LIPI: variants seen among roughly 807,000 people sequenced by gnomAD.
LIPI encodes lipase member I.
LIPI carries 59 observed loss-of-function variants against 50.6 expected under a neutral mutation model. The ratio of observed to expected loss-of-function variants is 1.16; its 90% CI spans 0.94 to 1.45. The LOEUF is 1.45. Among genes scored for constraint, LIPI ranks in the 40% most tolerant of loss-of-function variants. LIPI has a pLI of 0.00. For missense variants in LIPI, 586 were observed against 536.3 expected, an observed-to-expected ratio of 1.09 and a Z score of -0.92; for synonymous variants, 203 against 178.2, an observed-to-expected ratio of 1.14 and a Z score of -1.11.
chr21:14,119,059 C>T (rs1442668326), intron 9 of LIPI, among the ~76,000 whole-genome samples: 1 of 152,190 alleles, frequency 6.6e-6, no homozygotes, highest in Non-Finnish European at 1.5e-5. Context: ...GGTTCACATG[C>T]TTACACATAA....
intron 7 of LIPI, among the ~76,000 whole-genome samples, chr21:14,158,638 T>G (rs13046576): frequency 0.27 from 39,712 of 147,946 alleles, 5,512 homozygotes; most frequent in Middle Eastern, 0.33. Context: ...AATATATATA[T>G]AGAGAGAGAA....
At chr21:14,146,831 T>C (rs1264105916) in intron 8 of LIPI, among the ~76,000 whole-genome samples, 1 of 135,616 alleles carries the variant, frequency 7.4e-6, no homozygotes, top group Admixed American at 8.8e-5. Flanking sequence ...CAGGCTGGAG[T>C]GCAGTGGTGC....
intron 8 of LIPI, among the ~76,000 whole-genome samples, chr21:14,150,346 T>G (rs2018046646): frequency 6.6e-6 from 1 of 152,218 alleles, no homozygotes; most frequent in Admixed American, 6.5e-5. Flanking sequence ...TTTTGATACA[T>G]GCTTTCTGTT....
intron 8 of LIPI, among the ~76,000 whole-genome samples, chr21:14,150,397 C>T (rs1304597384): frequency 2.6e-5 from 4 of 152,130 alleles, no homozygotes; most frequent in Non-Finnish European, 5.9e-5. Context: ...TTCCTTGATT[C>T]TTCTCTGGGC....
chr21:14,169,610 A>G (rs139289869), intron 4 of LIPI, among the ~76,000 whole-genome samples: 2,612 of 152,344 alleles, frequency 0.017, 62 homozygotes, highest in African/African-American at 0.051. Context: ...CTCCTGAATG[A>G]CTACTGGGTA....
Position 14,193,587 on chromosome 21 carries a change from G to T in LIPI, c.47-4168C>A, listed in dbSNP as rs545994407. 3.9e-4 allele frequency among the ~76,000 whole-genome samples: 60 copies of T among 152,182 alleles called. 1 individual carries two copies. In the East Asian group the frequency reaches 0.011, roughly 27 times the overall value. ...TGCAAAATGTAACTAAAAGTGAGCAGAAATGCTGCACTAACATCAAGCAAA... is the reference window on the plus strand; with the variant it reads ...TGCAAAATGTAACTAAAAGTGAGCATAAATGCTGCACTAACATCAAGCAAA... On this transcript the variant is annotated intron_variant, in intron 1 of 9. Coordinates refer to ENST00000681601, the MANE Select transcript of LIPI (RefSeq NM_001302998.2).
chr21:14,116,694 G>C (rs1177824617), intron 9 of LIPI, among the ~76,000 whole-genome samples: 3 of 152,098 alleles, frequency 2.0e-5, no homozygotes, highest in Non-Finnish European at 4.4e-5. Context: ...ACAACAGCCT[G>C]GGTACCCTGA....
intron 4 of LIPI, among the ~76,000 whole-genome samples, chr21:14,175,900 C>T (rs1035675693): frequency 3.3e-5 from 5 of 151,992 alleles, no homozygotes; most frequent in Admixed American, 6.6e-5. Context: ...ACAAGTGGGC[C>T]GGGCGCGGTG....
chr21:14,166,487 T>C (rs2018690368), intron 4 of LIPI, 36 bp from the exon 5 acceptor site: 1 of 1,049,926 alleles, frequency 9.5e-7, no homozygotes, highest in East Asian at 2.4e-5. Flanking sequence ...ACAACATGTA[T>C]ATAATCAGGT....
chr21:14,168,234 CTGATTGGTGTA>C (rs2018763303), intron 4 of LIPI, among the ~76,000 whole-genome samples: 1 of 152,276 alleles, frequency 6.6e-6, no homozygotes, highest in East Asian at 1.9e-4. Flanking sequence ...AAATCTACAT[CTGATTGGTGTA>C]CCTGAAAGTG....
chr21:14,162,870 C>T (rs1436130118), intron 7 of LIPI, among the ~76,000 whole-genome samples: 1 of 151,796 alleles, frequency 6.6e-6, no homozygotes, highest in African/African-American at 2.4e-5. Context: ...ATTTTATTTA[C>T]AAACCACTTC....
intron 9 of LIPI, among the ~76,000 whole-genome samples, chr21:14,130,243 G>C (rs2017238203): frequency 1.3e-5 from 2 of 152,158 alleles, no homozygotes; most frequent in South Asian, 4.1e-4. Flanking sequence ...GGGAGGCTGA[G>C]GCAGGAGAAT....
At chr21:14,163,346 C>CTT (rs1177599181) in intron 7 of LIPI, 73 bp downstream of exon 7, 2 of 764,048 alleles carry the variant, frequency 2.6e-6, no homozygotes, top group East Asian at 5.0e-5. Context: ...GCAAAGAACA[C>CTT]TTTGAATCAA....
chr21:14,204,284 T>A (rs1032758250), intron 1 of LIPI, among the ~76,000 whole-genome samples: 2 of 151,464 alleles, frequency 1.3e-5, no homozygotes, highest in Non-Finnish European at 2.9e-5. Flanking sequence ...AAATTAGTCT[T>A]TTTTTTAAAA....
intron 7 of LIPI, among the ~76,000 whole-genome samples, chr21:14,157,720 A>G (rs1275405087): frequency 6.6e-6 from 1 of 151,954 alleles, no homozygotes; most frequent in Non-Finnish European, 1.5e-5. Context: ...AGAGACCAAC[A>G]TGCGAAGCCA....
chr21:14,182,475 G>C (rs1014887407), intron 3 of LIPI, among the ~76,000 whole-genome samples: 2 of 152,148 alleles, frequency 1.3e-5, no homozygotes, highest in Non-Finnish European at 2.9e-5. Flanking sequence ...AAAAAGAGGA[G>C]AGAGAAGATA....
At chr21:14,133,226 G>C (rs1204604936) in intron 9 of LIPI, among the ~76,000 whole-genome samples, 2 of 152,002 alleles carry the variant, frequency 1.3e-5, no homozygotes, top group Non-Finnish European at 2.9e-5. Context: ...TAATATTCCT[G>C]AAGAAAATAG....
chr21:14,153,606 C>A (rs898197444), intron 7 of LIPI, among the ~76,000 whole-genome samples: 4 of 152,032 alleles, frequency 2.6e-5, no homozygotes, highest in African/African-American at 9.7e-5. Flanking sequence ...AAAGCAGAAA[C>A]AAAGAGAAAT....
chr21:14,139,511 G>C (rs2017626763), intron 9 of LIPI, among the ~76,000 whole-genome samples: 1 of 151,936 alleles, frequency 6.6e-6, no homozygotes, highest in South Asian at 2.1e-4. Context: ...ATATGTACCA[G>C]GCACAGTTCA....
Sources: gnomAD v4.1 joint callset for allele counts (sites outside exome capture counted in the v4.1 genomes callset) on GRCh38, gnomAD v4.1.1 for gene constraint, MANE v1.5 for transcripts, NCBI Gene and HGNC (gene_info 2026-07-23, HGNC 2026-07-21) for gene names.